Variants in PRELID2 observed in about 807,000 individuals in gnomAD.
The protein encoded by PRELID2 is PRELI domain-containing protein 2.
Under a neutral mutation model 28.4 loss-of-function variants are expected in PRELID2, and 25 were observed. That is an observed-to-expected ratio of 0.88 (90% CI 0.64 to 1.23). The LOEUF (loss-of-function observed/expected upper bound fraction) is 1.23, where lower values mean the gene tolerates loss of function less well. Ranked by LOEUF, PRELID2 falls within the 50% of genes most tolerant of loss-of-function variation. The pLI is 0.00. For synonymous variants in PRELID2, 76 were observed against 71.6 expected (o/e 1.06, Z -0.31); for missense variants, 201 against 214.4 (o/e 0.94, Z 0.39).
At chr5:145,806,342 C>T (rs1387088027) in intron 4 of PRELID2, among the ~76,000 whole-genome samples, 8 of 151,880 alleles carry the variant, frequency 5.3e-5, no homozygotes, top group African/African-American at 1.9e-4. Context: ...GTTAAAAACA[C>T]AAAAACACAC....
the PRELID2 span, among the ~76,000 whole-genome samples, chr5:145,318,366 T>C: frequency 1.3e-5 from 2 of 152,206 alleles, no homozygotes; most frequent in Non-Finnish European, 2.9e-5. Context: ...TTTTATTTTG[T>C]TAATGAAGGC....
chr5:145,324,787 T>C, the PRELID2 span, among the ~76,000 whole-genome samples: 1 of 152,178 alleles, frequency 6.6e-6, no homozygotes, highest in Non-Finnish European at 1.5e-5. Context: ...GCCCATTCCA[T>C]AGATAAGGAA....
chr5:145,244,938 A>T, the PRELID2 span, among the ~76,000 whole-genome samples: 1 of 152,090 alleles, frequency 6.6e-6, no homozygotes, highest in African/African-American at 2.4e-5. Flanking sequence ...TGTTATTTTT[A>T]AAATTTATAT....
At chr5:145,796,271 C>A in intron 5 of PRELID2, 171 bp downstream of exon 5, 2 of 421,802 alleles carry the variant, frequency 4.7e-6, no homozygotes, top group African/African-American at 2.1e-5. Context: ...TTTAGTTTTA[C>A]TTTGATTTGA....
the PRELID2 span, among the ~76,000 whole-genome samples, chr5:145,231,467 A>G: frequency 3.3e-5 from 5 of 152,192 alleles, no homozygotes; most frequent in Non-Finnish European, 5.9e-5. Context: ...GAAACAAGGG[A>G]CAATGCAAGA....
the PRELID2 span, among the ~76,000 whole-genome samples, chr5:145,391,801 C>T: frequency 1.1e-4 from 17 of 151,868 alleles, no homozygotes; most frequent in African/African-American, 4.1e-4. Flanking sequence ...CCTAAATCAT[C>T]TCTCTCAAGT....
In PRELID2 at chr5:145,579,784, C is replaced by T. The variant is rs145636387; in HGVS notation, n.71-106469G>A. ...CTTGACACTTTTTAAGTTATTGGGT[C>T]TTATCCAATAGAAAGGAAATGAACA... On this transcript the variant is annotated intron_variant and non_coding_transcript_variant, in intron 1 of 2. Coordinates refer to the PRELID2 transcript ENST00000510259. 2.6e-3 allele frequency among the ~76,000 whole-genome samples: 400 copies of T among 152,072 alleles called. 4 individuals are homozygous for T. Among genetic ancestry groups the T allele is most frequent in the African/African-American group, 9.0e-3 (372 of 41,504 alleles).
At chr5:145,542,365 A>C (rs1410473809) in intron 1 of PRELID2, among the ~76,000 whole-genome samples, 1 of 152,178 alleles carries the variant, frequency 6.6e-6, no homozygotes, top group Non-Finnish European at 1.5e-5. Context: ...GGTGGGGATT[A>C]GAACAGAAAG....
At chr5:145,761,812 T>C (rs1352918372) in intron 6 of PRELID2, among the ~76,000 whole-genome samples, 1 of 152,160 alleles carries the variant, frequency 6.6e-6, no homozygotes, top group African/African-American at 2.4e-5. Context: ...ATAGAGCTAA[T>C]TTCCCCCACT....
chr5:145,628,511 A>G lies in PRELID2; in HGVS notation n.70+136420T>C, dbSNP rs554898753. Among the ~76,000 whole-genome samples, 44 of 152,090 alleles carry G rather than the reference A, an allele frequency of 2.9e-4. No individual in the cohort carries two copies. In the South Asian group the frequency reaches 6.3e-3, roughly 22 times the overall value. ...GCGAATTTTTGTATTTTTAGTAGAG[A>G]TGGGGTTTTGCCATGTTGGCCAGCC... On this transcript the variant is annotated intron_variant and non_coding_transcript_variant, in intron 1 of 2. Coordinates refer to the PRELID2 transcript ENST00000510259.
intron 1 of PRELID2, among the ~76,000 whole-genome samples, chr5:145,475,660 T>G (rs1400335954): frequency 6.6e-6 from 1 of 152,096 alleles, no homozygotes; most frequent in Non-Finnish European, 1.5e-5. Context: ...AAGAATAGAG[T>G]TTAGGAACAA....
intron 1 of PRELID2, among the ~76,000 whole-genome samples, chr5:145,477,446 T>A (rs2126612499): frequency 6.6e-6 from 1 of 152,244 alleles, no homozygotes. Flanking sequence ...CAAGAAAAAT[T>A]CCCCAAATGA....
the PRELID2 span, among the ~76,000 whole-genome samples, chr5:145,291,513 C>T: frequency 6.6e-6 from 1 of 151,978 alleles, no homozygotes; most frequent in African/African-American, 2.4e-5. Context: ...GGACTGCCAA[C>T]ACCTTGATTT....
At chr5:145,716,408 T>G (rs1755844860) in intron 1 of PRELID2, among the ~76,000 whole-genome samples, 1 of 152,170 alleles carries the variant, frequency 6.6e-6, no homozygotes, top group African/African-American at 2.4e-5. Flanking sequence ...TCTTGACACT[T>G]CTATATCAGA....
the PRELID2 span, among the ~76,000 whole-genome samples, chr5:145,293,815 G>C: frequency 1.3e-5 from 2 of 152,194 alleles, no homozygotes; most frequent in Non-Finnish European, 2.9e-5. Context: ...AGAGTAACCA[G>C]ATGCTGGGAT....
At chr5:145,740,839 T>C (rs1389166958) in intron 1 of PRELID2, among the ~76,000 whole-genome samples, 1 of 108,584 alleles carries the variant, frequency 9.2e-6, no homozygotes, top group Non-Finnish European at 1.7e-5. Flanking sequence ...TATATATTTA[T>C]CGATAAATAT....
the PRELID2 span, among the ~76,000 whole-genome samples, chr5:145,418,836 G>A: frequency 0.21 from 31,621 of 149,226 alleles, 3,626 homozygotes; most frequent in South Asian, 0.32. Flanking sequence ...CCACTAACTC[G>A]TCATCTAGTA....
At chr5:145,654,582 G>C (rs975046503) in intron 1 of PRELID2, among the ~76,000 whole-genome samples, 77 of 152,336 alleles carry the variant, frequency 5.1e-4, no homozygotes, top group African/African-American at 1.8e-3. Context: ...TGGGATGCAA[G>C]ACTGGTTCAA....
At chr5:145,328,160 A>G in the PRELID2 span, among the ~76,000 whole-genome samples, 8 of 152,160 alleles carry the variant, frequency 5.3e-5, no homozygotes, top group Non-Finnish European at 1.0e-4. Context: ...TATATGTGCC[A>G]TATTTTCTTT....
Sources: gnomAD v4.1 joint callset for allele counts (sites outside exome capture counted in the v4.1 genomes callset) on GRCh38, gnomAD v4.1.1 for gene constraint, MANE v1.5 for transcripts, NCBI Gene and HGNC (gene_info 2026-07-23, HGNC 2026-07-21) for gene names.